Variants in LPGAT1 observed in about 807,000 individuals in gnomAD.
The protein encoded by LPGAT1 is lysophosphatidylglycerol acyltransferase 1.
LPGAT1 carries 11 observed loss-of-function variants against 47.5 expected under a neutral mutation model. The ratio of observed to expected loss-of-function variants is 0.23; its 90% confidence interval spans 0.15 to 0.38. The LOEUF is 0.38. LPGAT1 is among the 10% of genes least tolerant of loss of function. The pLI, the probability that LPGAT1 is intolerant of heterozygous loss-of-function variation, is 1.00. For missense variants in LPGAT1, 293 were observed against 439.0 expected, an observed-to-expected ratio of 0.67 and a Z score of 2.97; for synonymous variants, 138 against 144.2, an observed-to-expected ratio of 0.96 and a Z score of 0.31.
chr1:211,755,525 A>G lies in LPGAT1; in HGVS notation c.855-4458T>C, dbSNP rs114025674. Reference sequence around the variant, plus strand: ...TATCAGATTGGGGGAGTATTTTAAAACCCAAATTTAAGTGCGAGTAGACAG... The same window carrying G: ...TATCAGATTGGGGGAGTATTTTAAAGCCCAAATTTAAGTGCGAGTAGACAG... On this transcript the variant is annotated intron_variant, in intron 6 of 7. Transcript: ENST00000366997. Among the ~76,000 whole-genome samples, 863 of 151,560 alleles carry G rather than the reference A, an allele frequency of 5.7e-3. 11 individuals carry two copies. The highest frequency in any genetic ancestry group is 0.02 in the African/African-American group (818 of 41,456).
chr1:211,753,349 G>A (rs1657288136), intron 6 of LPGAT1, among the ~76,000 whole-genome samples: 1 of 152,066 alleles, frequency 6.6e-6, no homozygotes, highest in Non-Finnish European at 1.5e-5. Context: ...TAGGATTCAA[G>A]GTTAAAAACC....
chr1:211,799,681 G>T (rs1659494032), intron 2 of LPGAT1, among the ~76,000 whole-genome samples: 1 of 152,192 alleles, frequency 6.6e-6, no homozygotes, highest in Non-Finnish European at 1.5e-5. Context: ...ACAATAAGGA[G>T]GGGTAGAGAG....
At chr1:211,824,995 C>A (rs558940537) in intron 2 of LPGAT1, among the ~76,000 whole-genome samples, 1 of 151,896 alleles carries the variant, frequency 6.6e-6, no homozygotes, top group East Asian at 1.9e-4. Context: ...TCCCTAAAGC[C>A]CCCCCCAAAT....
intron 2 of LPGAT1, among the ~76,000 whole-genome samples, chr1:211,807,693 A>T (rs1054931866): frequency 2.0e-5 from 3 of 152,316 alleles, no homozygotes; most frequent in African/African-American, 7.2e-5. Flanking sequence ...TGCAAAAAAA[A>T]TGTGAACCTT....
In LPGAT1 at chr1:211,781,355, G is replaced by C. The variant is rs185811528; in HGVS notation, c.727+1874C>G. Among the ~76,000 whole-genome samples, 17 of 152,286 alleles carry C rather than the reference G, an allele frequency of 1.1e-4. No individual in the cohort carries two copies. The East Asian group carries it at 3.3e-3, about 29-fold the overall frequency. On this transcript the variant is annotated intron_variant, in intron 5 of 7. Coordinates refer to ENST00000366997, the MANE Select transcript of LPGAT1 (RefSeq NM_014873.3). ...ACCACTACAGGGTATTGACTGGGTGGAACTATTTTAGAACAGCAGTCTTTA... is the reference window on the plus strand; with the variant it reads ...ACCACTACAGGGTATTGACTGGGTGCAACTATTTTAGAACAGCAGTCTTTA...
chr1:211,747,479 C>A lies in LPGAT1; in HGVS notation c.*2420G>T, dbSNP rs905303393. On this transcript the variant is annotated 3_prime_UTR_variant, in exon 8 of 8. Coordinates refer to ENST00000366997, the MANE Select transcript of LPGAT1 (RefSeq NM_014873.3). ...AGTTTAATGTGTACAGTATATTTAA[C>A]AATATCATGTTCCTTTGGAGCACAG... 2 of 152,166 alleles carry A rather than the reference C, an allele frequency of 1.3e-5. No individual in the cohort carries two copies. Among genetic ancestry groups the A allele is most frequent in the East Asian group, 1.9e-4 (1 of 5,202 alleles). The allele number at this position is 152,166 out of a possible 1,614,324, so 9.4% of individuals were successfully genotyped here.
intron 2 of LPGAT1, among the ~76,000 whole-genome samples, chr1:211,808,023 A>C (rs1659824505): frequency 6.6e-6 from 1 of 152,098 alleles, no homozygotes; most frequent in African/African-American, 2.4e-5. Flanking sequence ...AAATGAGAGA[A>C]AATAATATGC....
At chr1:211,794,602 G>A (rs1016438949) in intron 2 of LPGAT1, among the ~76,000 whole-genome samples, 1 of 152,020 alleles carries the variant, frequency 6.6e-6, no homozygotes, top group Non-Finnish European at 1.5e-5. Context: ...CACTGCACTC[G>A]GCCACCTCAT....
chr1:211,779,119 G>T, intron 5 of LPGAT1, 75 bp from the exon 6 acceptor site: 1 of 1,287,406 alleles, frequency 7.8e-7, no homozygotes, highest in Non-Finnish European at 1.1e-6. Context: ...TAGATTACTT[G>T]ACCAGTGTAA....
intron 6 of LPGAT1, among the ~76,000 whole-genome samples, chr1:211,755,247 A>C (rs1013628506): frequency 7.2e-5 from 11 of 151,930 alleles, no homozygotes; most frequent in African/African-American, 2.7e-4. Context: ...CTGAGGCAGG[A>C]GAACTGCTTG....
intron 6 of LPGAT1, among the ~76,000 whole-genome samples, chr1:211,757,619 T>C (rs1170953761): frequency 6.6e-6 from 1 of 152,146 alleles, no homozygotes; most frequent in Non-Finnish European, 1.5e-5. Flanking sequence ...ACTATTTTCA[T>C]ATAGTCAGAT....
chr1:211,816,159 G>A (rs1660167318), intron 2 of LPGAT1, among the ~76,000 whole-genome samples: 1 of 152,008 alleles, frequency 6.6e-6, no homozygotes, highest in Admixed American at 6.6e-5. Flanking sequence ...CTCAATTTCA[G>A]TGTTCCTTTC....
chr1:211,796,035 CTG>C (rs1659337344), intron 2 of LPGAT1, among the ~76,000 whole-genome samples: 2 of 151,978 alleles, frequency 1.3e-5, no homozygotes, highest in Admixed American at 6.6e-5. Flanking sequence ...TTAACGCAAT[CTG>C]TGCTACATGA....
chr1:211,754,766 A>G (rs958246616), intron 6 of LPGAT1, among the ~76,000 whole-genome samples: 2 of 152,170 alleles, frequency 1.3e-5, no homozygotes, highest in African/African-American at 4.8e-5. Context: ...CTGTAATTCC[A>G]GCACTTTGGG....
intron 6 of LPGAT1, among the ~76,000 whole-genome samples, chr1:211,770,204 C>G (rs1180760876): frequency 6.6e-6 from 1 of 152,082 alleles, no homozygotes; most frequent in Non-Finnish European, 1.5e-5. Flanking sequence ...TCCTGTCTTT[C>G]TCTAGGATAT....
At position 211,810,802 on chromosome 1, in the gene LPGAT1, C is replaced by A. The variant is rs368382772; in HGVS notation, c.239-17612G>T. ...CAGCGAGAACATGCCCGGGTAGTAA[C>A]CTTCCTGGGGAGACAGCTGGTACTG... On this transcript the variant is annotated intron_variant, in intron 2 of 7. Transcript: ENST00000366997. Among the ~76,000 whole-genome samples the A allele has an allele frequency of 3.0e-4, 46 of 152,164 alleles. 1 individual carries two copies. In the South Asian group the frequency reaches 8.9e-3, roughly 30 times the overall value.
At chr1:211,753,562 CTAT>C (rs1264875983) in intron 6 of LPGAT1, among the ~76,000 whole-genome samples, 1 of 151,594 alleles carries the variant, frequency 6.6e-6, no homozygotes, top group African/African-American at 2.4e-5. Flanking sequence ...TTATAGTATG[CTAT>C]TATTGTATTA....
At chr1:211,750,879 C>T in intron 7 of LPGAT1, 82 bp downstream of exon 7, 1 of 1,009,342 alleles carries the variant, frequency 9.9e-7, no homozygotes. Flanking sequence ...GTTTCAAGAT[C>T]TAATATGCAA....
intron 2 of LPGAT1, among the ~76,000 whole-genome samples, chr1:211,811,297 C>T (rs955894318): frequency 1.3e-5 from 2 of 152,160 alleles, no homozygotes; most frequent in African/African-American, 4.8e-5. Context: ...AAAGATAAGG[C>T]AGGCTTGGGC....
Sources: allele counts gnomAD v4.1 joint callset (sites outside exome capture counted in the v4.1 genomes callset), GRCh38; gene constraint gnomAD v4.1.1; transcripts MANE v1.5; gene names NCBI Gene and HGNC (gene_info 2026-07-23, HGNC 2026-07-21).